RGS22: variants seen among roughly 807,000 people sequenced by gnomAD.
The protein encoded by RGS22 is regulator of G-protein signaling 22.
In RGS22, 148 loss-of-function variants were observed where a neutral mutation model predicts 172.9. The ratio of observed to expected loss-of-function variants is 0.86; its 90% CI spans 0.75 to 0.98. The LOEUF is 0.98. RGS22 is among the 50% of genes least tolerant of loss of function. The pLI, the probability that RGS22 is intolerant of heterozygous loss-of-function variation, is 0.00. For missense variants in RGS22, 1,347 were observed against 1,440.8 expected (o/e 0.93, Z 1.05); for synonymous variants, 458 against 480.2 (o/e 0.95, Z 0.60).
intron 21 of RGS22, among the ~76,000 whole-genome samples, chr8:99,985,677 T>C (rs1813020456): frequency 6.6e-6 from 1 of 152,220 alleles, no homozygotes; most frequent in African/African-American, 2.4e-5. Flanking sequence ...TAGCATGCTT[T>C]TTAATAGCTA....
At chr8:99,982,945 A>G (rs1812706455) in intron 21 of RGS22, among the ~76,000 whole-genome samples, 1 of 152,042 alleles carries the variant, frequency 6.6e-6, no homozygotes, top group South Asian at 2.1e-4. Flanking sequence ...TAGGTTTTCA[A>G]CCCACCCTCC....
intron 14 of RGS22, among the ~76,000 whole-genome samples, chr8:100,014,492 T>C (rs1326196216): frequency 6.6e-6 from 1 of 152,196 alleles, no homozygotes; most frequent in Non-Finnish European, 1.5e-5. Context: ...AAAAACCACA[T>C]AATCGCCAAT....
intron 14 of RGS22, among the ~76,000 whole-genome samples, chr8:100,023,308 G>T (rs934553338): frequency 4.6e-5 from 7 of 152,166 alleles, no homozygotes; most frequent in African/African-American, 9.7e-5. Flanking sequence ...CTAGATACAA[G>T]GAGCAGACAG....
intron 21 of RGS22, 22 bp from the exon 22 acceptor site, chr8:99,982,138 A>C (rs1439271240): frequency 6.4e-7 from 1 of 1,565,980 alleles, no homozygotes; most frequent in African/African-American, 1.4e-5. Context: ...GAAAGATAGA[A>C]TGGTATATAA....
In RGS22 at chr8:100,105,995, G is replaced by C; in HGVS notation, c.-74C>G. 8.2e-7 allele frequency: 1 copy of C among 1,222,326 alleles called. No individual in the cohort carries two copies. 75.7% of individuals were successfully genotyped at this position (1,222,326 alleles called of 1,614,324 possible). On this transcript the variant is annotated 5_prime_UTR_variant, in exon 1 of 28. Transcript: ENST00000360863. Reference sequence around the variant, plus strand: ...TAGCGCGCGGGTCCAGCGCGGGTCAGGGCCTGAGCGACGCGGCGACGGCGC... The same window carrying C: ...TAGCGCGCGGGTCCAGCGCGGGTCACGGCCTGAGCGACGCGGCGACGGCGC...
chr8:100,009,359 C>T lies in RGS22; in HGVS notation c.2167-790G>A, dbSNP rs148681995. Among the ~76,000 whole-genome samples, 357 of 145,674 alleles carry T rather than the reference C, an allele frequency of 2.5e-3. 3 individuals are homozygous for T. The highest frequency in any genetic ancestry group is 8.6e-3 in the African/African-American group (336 of 39,242). ...GCTTGAACCCGGGCGGCAGAGATTGCGGTGGCCCAAGATCAAGATCATGCC... is the reference window on the plus strand; with the variant it reads ...GCTTGAACCCGGGCGGCAGAGATTGTGGTGGCCCAAGATCAAGATCATGCC... On this transcript the variant is annotated intron_variant, in intron 14 of 27. Coordinates refer to ENST00000360863, the MANE Select transcript of RGS22 (RefSeq NM_015668.5).
chr8:100,085,767 CACACCCTCT>C (rs1473376973), intron 3 of RGS22, among the ~76,000 whole-genome samples: 1 of 152,184 alleles, frequency 6.6e-6, no homozygotes. Flanking sequence ...TCTTCCATCT[CACACCCTCT>C]ACAGGGCACA....
intron 3 of RGS22, among the ~76,000 whole-genome samples, chr8:100,083,572 T>C (rs1811922995): frequency 6.6e-6 from 1 of 152,140 alleles, no homozygotes; most frequent in South Asian, 2.1e-4. Context: ...TTCACCATGT[T>C]GGCCAGGATG....
In RGS22 at chr8:100,008,551, C is replaced by G; in HGVS notation, c.2185G>C (p.Val729Leu). The stretch of plus-strand genomic sequence containing the variant: ...ATGTCAAGAGTGGCAGAAGGAGCAA[C>G]GTATGTGGCAAAAAGATACTGAAGG... ...KQAQYLFATY[V>L]APSATLDIGL... Residue 729 changes from valine (V) to leucine (L), a missense_variant, in exon 15 of 28, where the codon GTT (valine) becomes CTT (leucine). Coordinates refer to ENST00000360863, the MANE Select transcript of RGS22 (RefSeq NM_015668.5). 1 of 1,606,878 alleles carries G rather than the reference C, an allele frequency of 6.2e-7. No individual in the cohort carries two copies.
rs372450445 is a variant in RGS22, at chr8:99,977,932, G to A, written c.3504C>T (p.Asp1168=). The part of the protein sequence containing the change: ...KQKKKLAVLE[D]EKSGKDGIKQ... ...CTTGTCTCACCTTTCCAGATTTTTC[G>A]TCTTCTAGGACTGCCAATTTTTTTT... Residue 1168 remains aspartate, a synonymous_variant, in exon 23 of 28, where the codon GAC becomes GAT. Coordinates refer to ENST00000360863, the MANE Select transcript of RGS22 (RefSeq NM_015668.5). 2.1e-5 allele frequency: 32 copies of A among 1,556,956 alleles called. 1 individual carries two copies. The highest frequency in any genetic ancestry group is 3.4e-4 in the Middle Eastern group (2 of 5,932).
intron 14 of RGS22, 71 bp downstream of exon 14, chr8:100,038,860 G>T: frequency 1.1e-6 from 1 of 906,586 alleles, no homozygotes. Context: ...TTCTCGTTTG[G>T]GACTGGACAC....
At chr8:100,064,724 G>A (rs76778165) in intron 7 of RGS22, among the ~76,000 whole-genome samples, 3,321 of 152,180 alleles carry the variant, frequency 0.022, 55 homozygotes, top group Non-Finnish European at 0.037. Context: ...TAAGGAATTA[G>A]AATATGTATA....
At chr8:100,079,775 A>G (rs1171785201) in intron 4 of RGS22, among the ~76,000 whole-genome samples, 3 of 152,170 alleles carry the variant, frequency 2.0e-5, no homozygotes, top group African/African-American at 7.2e-5. Flanking sequence ...AGAAGTCTCA[A>G]TTCCCAACTG....
chr8:100,102,745 T>C (rs914477096), intron 2 of RGS22, among the ~76,000 whole-genome samples: 2 of 152,210 alleles, frequency 1.3e-5, no homozygotes, highest in African/African-American at 2.4e-5. Flanking sequence ...GGGTATAGTT[T>C]GGCTGGGGCA....
At chr8:100,028,257 C>T (rs1161831143) in intron 14 of RGS22, among the ~76,000 whole-genome samples, 1 of 152,082 alleles carries the variant, frequency 6.6e-6, no homozygotes, top group Non-Finnish European at 1.5e-5. Context: ...CCATCTCGGC[C>T]ATGCACTTAA....
chr8:100,098,641 G>T (rs28730324), intron 2 of RGS22, among the ~76,000 whole-genome samples: 7,860 of 152,086 alleles, frequency 0.052, 664 homozygotes, highest in African/African-American at 0.18. Context: ...GATTACATCA[G>T]TATCTATCCA....
rs1814740856 is a variant in RGS22 at position 99,999,318 on chromosome 8, C to T, written c.2893G>A (p.Val965Ile). Residue 965 changes from valine to isoleucine, a missense_variant, in exon 19 of 28, where the codon GTA becomes ATA. Physicochemically the swap from Val to Ile is conservative, Grantham distance 29. Transcript: ENST00000360863. ...QKHVQNRLEN[V>I]WLPLFLASEQ... ...CTTGCAAGAAACAATGGCAGCCATA[C>T]ATTTTCTAGCCTATTTTGCACATGC... 4 of 1,613,978 alleles carry T rather than the reference C, an allele frequency of 2.5e-6. No homozygotes were observed. Among genetic ancestry groups the T allele is most frequent in the South Asian group, 1.1e-5 (1 of 91,062 alleles).
chr8:100,032,573 C>G (rs1321800573), intron 14 of RGS22, among the ~76,000 whole-genome samples: 1 of 152,088 alleles, frequency 6.6e-6, no homozygotes, highest in Non-Finnish European at 1.5e-5. Context: ...TAATGGGAGA[C>G]TTTAACACCC....
At chr8:100,061,701 A>C (rs913642426) in intron 9 of RGS22, among the ~76,000 whole-genome samples, 4 of 152,188 alleles carry the variant, frequency 2.6e-5, no homozygotes, top group African/African-American at 9.6e-5. Flanking sequence ...TGTTGGTGGG[A>C]GTGTAAATTA....
Sources: gnomAD v4.1 joint callset for allele counts (sites outside exome capture counted in the v4.1 genomes callset) on GRCh38, gnomAD v4.1.1 for gene constraint, MANE v1.5 for transcripts, NCBI Gene and HGNC (gene_info 2026-07-23, HGNC 2026-07-21) for gene names.